RCAN2: variants seen among roughly 807,000 people sequenced by gnomAD.
RCAN2 encodes the protein calcipressin-2.
Under a neutral mutation model 23.6 loss-of-function variants are expected in RCAN2, and 9 were observed. That is an observed-to-expected ratio of 0.38 (90% CI 0.23 to 0.67). The LOEUF is 0.67. Among genes scored for constraint, RCAN2 ranks in the 30% least tolerant of loss-of-function variants. The pLI, the probability that RCAN2 is intolerant of heterozygous loss-of-function variation, is 0.51. For missense variants in RCAN2, 273 were observed against 302.3 expected (o/e 0.90, Z 0.72); for synonymous variants, 109 against 115.7 (o/e 0.94, Z 0.37).
intron 2 of RCAN2, among the ~76,000 whole-genome samples, chr6:46,275,246 A>G (rs561613411): frequency 6.6e-6 from 1 of 152,058 alleles, no homozygotes; most frequent in African/African-American, 2.4e-5. Flanking sequence ...GTCTGAATTG[A>G]CTGAGAAAAC....
At chr6:46,396,287 A>G (rs911271725) in intron 2 of RCAN2, among the ~76,000 whole-genome samples, 1 of 152,192 alleles carries the variant, frequency 6.6e-6, no homozygotes, top group Non-Finnish European at 1.5e-5. Flanking sequence ...ATTCCAGTGC[A>G]TAACACCTAA....
At chr6:46,240,039 C>T (rs1766248762) in intron 4 of RCAN2, among the ~76,000 whole-genome samples, 1 of 152,104 alleles carries the variant, frequency 6.6e-6, no homozygotes, top group Non-Finnish European at 1.5e-5. Context: ...AGGGGCTCCT[C>T]CACATGGGGT....
chr6:46,372,906 G>C (rs1353545400), intron 2 of RCAN2, among the ~76,000 whole-genome samples: 1 of 152,208 alleles, frequency 6.6e-6, no homozygotes, highest in Non-Finnish European at 1.5e-5. Flanking sequence ...AGATCTGGAA[G>C]GAGAATTAGA....
intron 2 of RCAN2, among the ~76,000 whole-genome samples, chr6:46,396,336 C>T (rs539461921): frequency 6.6e-6 from 1 of 152,256 alleles, no homozygotes; most frequent in African/African-American, 2.4e-5. Context: ...GTGCTCAGAA[C>T]TATGAAGGAT....
At chr6:46,465,347 T>A (rs1456171324) in intron 1 of RCAN2, among the ~76,000 whole-genome samples, 1 of 152,184 alleles carries the variant, frequency 6.6e-6, no homozygotes, top group East Asian at 1.9e-4. Flanking sequence ...GACATTGTAT[T>A]AGTCAAGGTC....
chr6:46,225,798 C>T (rs1037777895), intron 4 of RCAN2, among the ~76,000 whole-genome samples: 1 of 152,192 alleles, frequency 6.6e-6, no homozygotes, highest in Non-Finnish European at 1.5e-5. Context: ...AATTAGATCC[C>T]ATTTGTCAAT....
At chr6:46,251,249 T>C (rs1766703496) in intron 2 of RCAN2, among the ~76,000 whole-genome samples, 1 of 152,170 alleles carries the variant, frequency 6.6e-6, no homozygotes, top group Non-Finnish European at 1.5e-5. Flanking sequence ...CTCCAAGTAG[T>C]CTCATTACGG....
chr6:46,489,889 C>T (rs1201046257), intron 1 of RCAN2, among the ~76,000 whole-genome samples: 1 of 152,176 alleles, frequency 6.6e-6, no homozygotes, highest in Admixed American at 6.5e-5. Flanking sequence ...AATATAATAG[C>T]TCTAAGGCTA....
At chr6:46,295,395 G>A (rs865842121) in intron 2 of RCAN2, among the ~76,000 whole-genome samples, 1 of 152,126 alleles carries the variant, frequency 6.6e-6, no homozygotes, top group Admixed American at 6.6e-5. Flanking sequence ...TGGCATTGGA[G>A]GGAAGGATGA....
intron 2 of RCAN2, among the ~76,000 whole-genome samples, chr6:46,399,099 A>G (rs1408740486): frequency 6.6e-6 from 1 of 152,020 alleles, no homozygotes; most frequent in Non-Finnish European, 1.5e-5. Context: ...TTCTAGAACC[A>G]TAGCTGTTCC....
intron 2 of RCAN2, among the ~76,000 whole-genome samples, chr6:46,384,589 G>A (rs976211218): frequency 6.6e-6 from 1 of 152,160 alleles, no homozygotes; most frequent in African/African-American, 2.4e-5. Context: ...GGTTAAAGAG[G>A]CTAAGTCTCA....
At chr6:46,417,300 G>A (rs987385915) in intron 2 of RCAN2, among the ~76,000 whole-genome samples, 2 of 152,144 alleles carry the variant, frequency 1.3e-5, no homozygotes, top group African/African-American at 4.8e-5. Flanking sequence ...ATATTTGAGA[G>A]ATAAAAATGA....
intron 1 of RCAN2, among the ~76,000 whole-genome samples, chr6:46,463,109 A>C (rs1174703497): frequency 6.6e-6 from 1 of 152,216 alleles, no homozygotes; most frequent in Non-Finnish European, 1.5e-5. Context: ...TGATAATCGC[A>C]TCTAGAGTCT....
intron 2 of RCAN2, among the ~76,000 whole-genome samples, chr6:46,442,624 C>T (rs945868115): frequency 6.6e-6 from 1 of 152,156 alleles, no homozygotes; most frequent in Non-Finnish European, 1.5e-5. Context: ...GCTCCATGTC[C>T]CTATTTAATA....
chr6:46,449,550 T>C (rs1767814757), intron 2 of RCAN2, among the ~76,000 whole-genome samples: 1 of 149,854 alleles, frequency 6.7e-6, no homozygotes, highest in Non-Finnish European at 1.5e-5. Flanking sequence ...GCCAAAACAA[T>C]CTTGAGTAAA....
At chr6:46,403,407 T>C (rs1422542221) in intron 2 of RCAN2, among the ~76,000 whole-genome samples, 1 of 140,338 alleles carries the variant, frequency 7.1e-6, no homozygotes, top group Non-Finnish European at 1.7e-5. Flanking sequence ...ACCCTGTCTC[T>C]GCTAAAAAAA....
intron 2 of RCAN2, among the ~76,000 whole-genome samples, chr6:46,340,899 T>C (rs1256475780): frequency 6.6e-6 from 1 of 152,216 alleles, no homozygotes; most frequent in African/African-American, 2.4e-5. Context: ...ACTTTTCTTT[T>C]AAAGTTAATT....
At chr6:46,490,699 C>T (rs1582243374) in intron 1 of RCAN2, among the ~76,000 whole-genome samples, 1 of 152,326 alleles carries the variant, frequency 6.6e-6, no homozygotes, top group East Asian at 1.9e-4. Context: ...AGTGCACCTA[C>T]CCCCTCCCCA....
At chr6:46,343,374 A>ATTTT (rs1423874529) in intron 2 of RCAN2, among the ~76,000 whole-genome samples, 4 of 113,844 alleles carry the variant, frequency 3.5e-5, no homozygotes, top group Non-Finnish European at 4.1e-5. Flanking sequence ...TTGGGAAAAC[A>ATTTT]ATTTTTTTTT....
Sources: gnomAD v4.1 joint callset for allele counts (sites outside exome capture counted in the v4.1 genomes callset) on GRCh38, gnomAD v4.1.1 for gene constraint, MANE v1.5 for transcripts, NCBI Gene and HGNC (gene_info 2026-07-23, HGNC 2026-07-21) for gene names.